PCDHGA2: variants seen among roughly 807,000 people sequenced by gnomAD.
PCDHGA2 encodes protocadherin gamma subfamily A, 2.
PCDHGA2 carries 40 observed loss-of-function variants against 59.2 expected under a neutral mutation model. The observed-to-expected ratio is 0.68, with a 90% confidence interval of 0.52 to 0.88. The LOEUF (loss-of-function observed/expected upper bound fraction) is 0.88. PCDHGA2 is among the 40% of genes least tolerant of loss of function. PCDHGA2 has a pLI of 0.00. For missense variants in PCDHGA2, 1,226 were observed against 1,204.0 expected (o/e 1.02, Z -0.27); for synonymous variants, 560 against 526.0 (o/e 1.06, Z -0.89).
intron 1 of PCDHGA2, chr5:141,390,345 A>G: frequency 6.3e-7 from 1 of 1,576,504 alleles, no homozygotes; most frequent in Non-Finnish European, 8.7e-7. Context: ...TTCACAAGAA[A>G]ATATACATAT....
At chr5:141,427,965 C>G in intron 1 of PCDHGA2, 1 of 1,590,342 alleles carries the variant, frequency 6.3e-7, no homozygotes, top group Non-Finnish European at 8.6e-7. Flanking sequence ...GCCGCGGGTG[C>G]TGTACCCCGC....
intron 1 of PCDHGA2, among the ~76,000 whole-genome samples, chr5:141,373,098 C>A (rs1402463048): frequency 6.6e-6 from 1 of 152,208 alleles, no homozygotes; most frequent in African/African-American, 2.4e-5. Flanking sequence ...CTGTCATTTT[C>A]AGACATATCT....
chr5:141,405,856 C>T (rs1340012897), intron 1 of PCDHGA2, among the ~76,000 whole-genome samples: 1 of 152,096 alleles, frequency 6.6e-6, no homozygotes, highest in Non-Finnish European at 1.5e-5. Flanking sequence ...GTGTGTTTCT[C>T]ATCACTTTTC....
rs1756775336 is a variant in PCDHGA2 at position 141,338,762 on chromosome 5, T to C, written c.-210T>C. 18 of 1,247,870 alleles carry C rather than the reference T, an allele frequency of 1.4e-5. No homozygotes were observed. Among genetic ancestry groups the C allele is most frequent in the South Asian group, 3.3e-5 (1 of 30,628 alleles). 77.3% of individuals were successfully genotyped at this position (1,247,870 alleles called of 1,614,324 possible). A position where few individuals can be genotyped will look rare whatever the true frequency, so the allele number is the denominator to read the frequency against. ...GAGTAAAAGGCAGCGAGACATCCAA[T>C]CCAGCAATACGGCTCCCACAGCACA... On this transcript the variant is annotated 5_prime_UTR_variant, in exon 1 of 4. Coordinates refer to ENST00000394576, the MANE Select transcript of PCDHGA2 (RefSeq NM_018915.4).
At chr5:141,375,992 G>C in intron 1 of PCDHGA2, 5 of 1,613,446 alleles carry the variant, frequency 3.1e-6, no homozygotes, top group Non-Finnish European at 4.2e-6. Context: ...GGACAGAGAC[G>C]CGCTCAAGCA....
intron 1 of PCDHGA2, chr5:141,442,491 T>G (rs1438583747): frequency 6.6e-6 from 1 of 152,236 alleles, no homozygotes; most frequent in Non-Finnish European, 1.5e-5. Flanking sequence ...AGGGGATGAT[T>G]GTGATTATTC....
At chr5:141,344,877 G>T in intron 1 of PCDHGA2, 1 of 1,613,902 alleles carries the variant, frequency 6.2e-7, no homozygotes, top group South Asian at 1.1e-5. Flanking sequence ...TTATATTCTA[G>T]ATAAAATGCC....
chr5:141,339,033 C>T lies in PCDHGA2; in HGVS notation c.62C>T (p.Ala21Val), dbSNP rs745504451. ...CTGGTCCTGCTGTGCTTCCTTTTGGCGACCCTGTGGGAGGCCAGGGCCGGG... is the reference window on the plus strand; with the variant it reads ...CTGGTCCTGCTGTGCTTCCTTTTGGTGACCCTGTGGGAGGCCAGGGCCGGG... ...RKLVLLCFLL[A>V]TLWEARAGQI... The change falls in exon 1 of 4, where the codon GCG (alanine) becomes GTG (valine). Residue 21 changes from alanine (A) to valine (V), a missense_variant. Coordinates refer to ENST00000394576, the MANE Select transcript of PCDHGA2 (RefSeq NM_018915.4). 1.9e-6 allele frequency: 3 copies of T among 1,595,356 alleles called. No individual in the cohort carries two copies. The highest frequency in any genetic ancestry group is 2.6e-6 in the Non-Finnish European group (3 of 1,167,626).
intron 1 of PCDHGA2, chr5:141,384,866 C>T: frequency 6.2e-7 from 1 of 1,613,720 alleles, no homozygotes; most frequent in African/African-American, 1.3e-5. Flanking sequence ...CCTCTGTCAG[C>T]CACCGTCACA....
rs778612383 is a variant in PCDHGA2, at chr5:141,360,299, G to A, written c.2424+18904G>A. The A allele has an allele frequency of 1.9e-6, 3 of 1,613,972 alleles. No homozygotes were observed. The South Asian group carries it at 3.3e-5, about 18-fold the overall frequency. ...GTAGGAAACCTCGCCAAGGATCTGGGGCTCAGCGTCCGGGACTTGCCAGCC... is the reference window on the plus strand; with the variant it reads ...GTAGGAAACCTCGCCAAGGATCTGGAGCTCAGCGTCCGGGACTTGCCAGCC... On this transcript the variant is annotated intron_variant, in intron 1 of 3. Coordinates refer to ENST00000394576, the MANE Select transcript of PCDHGA2 (RefSeq NM_018915.4).
At chr5:141,391,264 G>A (rs1427432631) in intron 1 of PCDHGA2, 1 of 151,768 alleles carries the variant, frequency 6.6e-6, no homozygotes, top group Non-Finnish European at 1.5e-5. Context: ...TCAGTTAATG[G>A]CCACTTTACA....
chr5:141,361,719 C>G, intron 1 of PCDHGA2: 1 of 1,613,364 alleles, frequency 6.2e-7, no homozygotes. Flanking sequence ...TGCGCGCCTT[C>G]GAGCTCACAC....
At chr5:141,398,019 A>T (rs2093601039) in intron 1 of PCDHGA2, 1 of 1,427,024 alleles carries the variant, frequency 7.0e-7, no homozygotes, top group Admixed American at 2.6e-5. Flanking sequence ...CGTTTCCTAA[A>T]CTGGAACTGG....
chr5:141,379,975 C>T (rs2150153765), intron 1 of PCDHGA2, among the ~76,000 whole-genome samples: 1 of 132,632 alleles, frequency 7.5e-6, no homozygotes, highest in South Asian at 2.6e-4. Flanking sequence ...TCTCTGCTCA[C>T]TGCAACTTCC....
At chr5:141,479,241 G>T (rs2099490987) in intron 1 of PCDHGA2, 1 of 152,174 alleles carries the variant, frequency 6.6e-6, no homozygotes, top group Admixed American at 6.5e-5. Context: ...CAAACCCAAA[G>T]ATAACCATTT....
rs1481151067 is a variant in PCDHGA2, at chr5:141,477,223, T to A, written c.2425-17584T>A. On this transcript the variant is annotated intron_variant, in intron 1 of 3. Transcript: ENST00000394576. This position sits in a 1 kb window ranked among gnomAD's most constrained non-coding sequence, Gnocchi z 4.9. ...TACCCGAGGATGCCCCTCTGGGGAC[T>A]GTCATCGCTTTGCTCAGTGTGACTG... The A allele has an allele frequency of 6.2e-7, 1 of 1,614,198 alleles. No individual in the cohort carries two copies. The highest frequency in any genetic ancestry group is 1.1e-5 in the South Asian group (1 of 91,084).
chr5:141,418,707 G>T (rs2096282239), intron 1 of PCDHGA2: 1 of 1,614,016 alleles, frequency 6.2e-7, no homozygotes, highest in Non-Finnish European at 8.5e-7. Context: ...TCCTTCTTTG[G>T]TGTGGCTGAC....
chr5:141,384,787 C>A, intron 1 of PCDHGA2: 2 of 1,613,552 alleles, frequency 1.2e-6, no homozygotes, highest in Admixed American at 3.3e-5. Flanking sequence ...GCGCACGGCT[C>A]GGGCCCTGCT....
At chr5:141,407,932 C>T (rs1465007397) in intron 1 of PCDHGA2, 7 of 504,268 alleles carry the variant, frequency 1.4e-5, no homozygotes, top group Non-Finnish European at 2.0e-5. Context: ...CACGGAGCCT[C>T]TGGGCGCCGC....
Sources: gnomAD v4.1 joint callset for allele counts (sites outside exome capture counted in the v4.1 genomes callset) on GRCh38, gnomAD v4.1.1 for gene constraint, Gnocchi (gnomAD v3.1) non-coding constraint, MANE v1.5 for transcripts, NCBI Gene and HGNC (gene_info 2026-07-23, HGNC 2026-07-21) for gene names.